DNAH5: variants seen among roughly 807,000 people sequenced by gnomAD.
DNAH5 encodes axonemal beta dynein heavy chain 5.
A neutral mutation model predicts 518.2 loss-of-function variants in DNAH5; 372 were observed. That is an observed-to-expected ratio of 0.72 (90% CI 0.66 to 0.78). DNAH5 has a LOEUF of 0.78. Among genes scored for constraint, DNAH5 ranks in the 30% least tolerant of loss-of-function variants. DNAH5 has a pLI of 0.00. For missense variants in DNAH5, 5,523 were observed against 5,687.0 expected (o/e 0.97, Z 0.93); for synonymous variants, 2,039 against 2,025.9 (o/e 1.01, Z -0.17).
chr5:13,854,842 G>A lies in DNAH5; in HGVS notation c.4951-4027C>T, dbSNP rs181226680. ...AACTATCCTAAATGTATATGCACCCGAAACAGGAGCACCCAGGTTCATAAA... is the reference window on the plus strand; with the variant it reads ...AACTATCCTAAATGTATATGCACCCAAAACAGGAGCACCCAGGTTCATAAA... On this transcript the variant is annotated intron_variant, in intron 30 of 78. Coordinates refer to ENST00000265104, the MANE Select transcript of DNAH5 (RefSeq NM_001369.3). Among the ~76,000 whole-genome samples the A allele has an allele frequency of 3.6e-3, 552 of 152,218 alleles. 4 individuals carry two copies. Among genetic ancestry groups the A allele is most frequent in the African/African-American group, 0.013 (528 of 41,540 alleles).
chr5:14,008,308 A>G (rs971915203), intron 1 of DNAH5, among the ~76,000 whole-genome samples: 81 of 59,530 alleles, frequency 1.4e-3, no homozygotes, highest in African/African-American at 6.9e-3. Flanking sequence ...GAGAGGGAAG[A>G]AGACAGGAAT....
At chr5:13,915,937 A>G (rs2151984588) in intron 9 of DNAH5, among the ~76,000 whole-genome samples, 1 of 152,230 alleles carries the variant, frequency 6.6e-6, no homozygotes, top group East Asian at 1.9e-4. Flanking sequence ...TTCTAATAAC[A>G]CCAAGTAAAC....
intron 35 of DNAH5, among the ~76,000 whole-genome samples, chr5:13,831,981 C>T (rs371260741): frequency 4.6e-5 from 7 of 152,092 alleles, no homozygotes; most frequent in African/African-American, 1.7e-4. Flanking sequence ...GCCAAGTCTT[C>T]TCACTTTCCA....
intron 71 of DNAH5, 132 bp downstream of exon 71, chr5:13,720,868 A>AG: frequency 7.6e-7 from 1 of 1,307,674 alleles, no homozygotes; most frequent in Non-Finnish European, 1.0e-6. Flanking sequence ...ATTTAAAAAA[A>AG]AAACGCTGTT....
chr5:13,770,704 G>A (rs775404109), intron 56 of DNAH5, 45 bp downstream of exon 56: 15 of 1,564,774 alleles, frequency 9.6e-6, no homozygotes, highest in South Asian at 3.4e-5. Context: ...CCCTGGTTGA[G>A]AGCCACGGCT....
chr5:13,816,217 AG>A lies in DNAH5; in HGVS notation c.6988+1330del, dbSNP rs1580392837. ...AACACTGGGCAAAAAACTTGACAGC[AG>A]TCATACGAGGAGATACTTGGAGGTA... On this transcript the variant is annotated intron_variant, in intron 42 of 78. Transcript: ENST00000265104. 2.0e-5 allele frequency among the ~76,000 whole-genome samples: 3 copies of A among 152,362 alleles called. No individual in the cohort carries two copies. The East Asian group carries it at 5.8e-4, about 29-fold the overall frequency.
rs727502972 is a variant in DNAH5, at chr5:13,754,213, T to C, written c.10545A>G (p.Lys3515=). 3 of 1,614,096 alleles carry C rather than the reference T, an allele frequency of 1.9e-6. No individual in the cohort carries two copies. The highest frequency in any genetic ancestry group is 2.5e-6 in the Non-Finnish European group (3 of 1,179,968). ...AAGAAATTTACATACCTACAAGTCT[T>C]TTAGTTTGTGCAGCAAACTCTTGGC... ...EQSQEFAAQT[K]RLVGDVLLAT... The change falls in exon 62 of 79, where the codon AAA becomes AAG. Residue 3515 remains lysine, a synonymous_variant. Transcript: ENST00000265104.
intron 65 of DNAH5, among the ~76,000 whole-genome samples, chr5:13,745,449 A>G (rs1181623048): frequency 6.6e-6 from 1 of 152,146 alleles, no homozygotes. Context: ...CCTTGCATCC[A>G]TACGCTCTAA....
chr5:13,731,459 T>C (rs951147569), intron 68 of DNAH5, among the ~76,000 whole-genome samples: 2 of 152,184 alleles, frequency 1.3e-5, no homozygotes, highest in East Asian at 1.9e-4. Context: ...AACTATGTCA[T>C]GACTAACCTG....
At chr5:13,866,172 A>G (rs1276636041) in intron 26 of DNAH5, 48 bp downstream of exon 26, 1 of 1,565,634 alleles carries the variant, frequency 6.4e-7, no homozygotes, top group Admixed American at 1.7e-5. Flanking sequence ...TGTTTAAAAC[A>G]CAACAAAGTT....
chr5:13,903,566 AAAT>A (rs1455168455), intron 12 of DNAH5, among the ~76,000 whole-genome samples: 1 of 151,892 alleles, frequency 6.6e-6, no homozygotes, highest in African/African-American at 2.4e-5. Flanking sequence ...ATTAAAAGAA[AAAT>A]AATAGTAATA....
At chr5:13,766,995 C>T (rs1383705482) in intron 58 of DNAH5, among the ~76,000 whole-genome samples, 2 of 150,510 alleles carry the variant, frequency 1.3e-5, no homozygotes, top group Non-Finnish European at 2.9e-5. Context: ...AAGACAGTAA[C>T]CAATGACCTT....
chr5:13,768,835 A>G, intron 58 of DNAH5, 125 bp downstream of exon 58: 2 of 1,124,668 alleles, frequency 1.8e-6, no homozygotes, highest in Non-Finnish European at 1.3e-6. Context: ...ATTACTTGAA[A>G]TCACTCAAGT....
At position 13,913,751 on chromosome 5, in the gene DNAH5, T is replaced by C. The variant is rs1776307720; in HGVS notation, c.1528A>G (p.Lys510Glu). 4 of 1,613,462 alleles carry C rather than the reference T, an allele frequency of 2.5e-6. No homozygotes were observed. Among genetic ancestry groups the C allele is most frequent in the Admixed American group, 3.3e-5 (2 of 60,018 alleles). Residue 510 changes from lysine to glutamate, a missense_variant, in exon 11 of 79, where the codon AAA becomes GAA. This residue lies in a region of DNAH5 where 5,121 missense variants were observed against 5,223.3 expected (regional missense o/e 0.98). Coordinates refer to ENST00000265104, the MANE Select transcript of DNAH5 (RefSeq NM_001369.3). ...GCTTTAAAGTACAATACCTGGTATTTAGTGGCCATGTCTTCCAGCCCTTCA... is the reference window on the plus strand; with the variant it reads ...GCTTTAAAGTACAATACCTGGTATTCAGTGGCCATGTCTTCCAGCCCTTCA... The part of the protein sequence containing the change: ...TIEGLEDMAT[K>E]YQGIVATIKK...
At chr5:13,740,650 GACTC>G (rs150156154) in intron 65 of DNAH5, among the ~76,000 whole-genome samples, 122 of 152,316 alleles carry the variant, frequency 8.0e-4, no homozygotes, top group African/African-American at 2.9e-3. Context: ...CATGCTTTGA[GACTC>G]ACTGTCTTAA....
intron 1 of DNAH5, among the ~76,000 whole-genome samples, chr5:13,975,115 C>T (rs574695787): frequency 4.7e-4 from 72 of 152,310 alleles, no homozygotes; most frequent in African/African-American, 1.7e-3. Flanking sequence ...ATACCTGAGA[C>T]TGGGCAATTT....
Position 13,871,545 on chromosome 5 carries a change from T to C in DNAH5, c.3598+19A>G, listed in dbSNP as rs767601725. 5.5e-5 allele frequency: 88 copies of C among 1,593,960 alleles called. No individual in the cohort carries two copies. Among genetic ancestry groups the C allele is most frequent in the Non-Finnish European group, 6.3e-5 (73 of 1,162,084 alleles). ...ATAATGGCTAATTTATATAACTATA[T>C]GAAAGAAAATGAACCAACCTGTGTA... On this transcript the variant is annotated intron_variant, in intron 23 of 78. Transcript: ENST00000265104.
At chr5:13,851,831 C>A (rs1766894778) in intron 30 of DNAH5, among the ~76,000 whole-genome samples, 1 of 152,022 alleles carries the variant, frequency 6.6e-6, no homozygotes, top group Non-Finnish European at 1.5e-5. Context: ...CCAGCAAGAT[C>A]AACACAGAAG....
intron 3 of DNAH5, among the ~76,000 whole-genome samples, chr5:13,924,590 G>T (rs925560646): frequency 6.6e-6 from 1 of 151,300 alleles, no homozygotes; most frequent in Admixed American, 6.6e-5. Flanking sequence ...CAGGAGAATC[G>T]CTTGAACCCA....
Sources: allele counts gnomAD v4.1 joint callset (sites outside exome capture counted in the v4.1 genomes callset), GRCh38; gene constraint gnomAD v4.1.1; regional missense constraint gnomAD v4.1.1; transcripts MANE v1.5; gene names NCBI Gene and HGNC (gene_info 2026-07-23, HGNC 2026-07-21).